The following RPS6KC1 variants were observed in gnomAD, a reference collection of about 807,000 sequenced individuals.
RPS6KC1 encodes the protein inactive ribosomal protein S6 kinase delta-1.
In RPS6KC1, 54 loss-of-function variants were observed where a neutral mutation model predicts 103.8. That is an observed-to-expected ratio of 0.52 (90% CI 0.42 to 0.65). The LOEUF (loss-of-function observed/expected upper bound fraction) is 0.65. Among genes scored for constraint, RPS6KC1 ranks in the 30% least tolerant of loss-of-function variants. The pLI is 0.00. For synonymous variants in RPS6KC1, 439 were observed against 438.7 expected (o/e 1.00, Z -0.01); for missense variants, 1,151 against 1,253.8 (o/e 0.92, Z 1.24).
chr1:213,758,600 T>C, the RPS6KC1 span, among the ~76,000 whole-genome samples: 1 of 151,278 alleles, frequency 6.6e-6, no homozygotes, highest in African/African-American at 2.4e-5. Flanking sequence ...AAAAATGTGA[T>C]TCATGATTCA....
chr1:213,550,039 G>T, the RPS6KC1 span, among the ~76,000 whole-genome samples: 1 of 152,050 alleles, frequency 6.6e-6, no homozygotes, highest in Non-Finnish European at 1.5e-5. Flanking sequence ...GAATGTCATG[G>T]TTACTTTTCC....
At chr1:213,577,958 G>T in the RPS6KC1 span, among the ~76,000 whole-genome samples, 3 of 152,234 alleles carry the variant, frequency 2.0e-5, no homozygotes, top group Non-Finnish European at 2.9e-5. Context: ...CACCAAGACA[G>T]TGGGGAAAAT....
the RPS6KC1 span, among the ~76,000 whole-genome samples, chr1:213,376,173 A>G: frequency 6.6e-6 from 1 of 152,010 alleles, no homozygotes; most frequent in East Asian, 1.9e-4. Flanking sequence ...GAGAAAGTAG[A>G]TACTGGCAGA....
intron 14 of RPS6KC1, among the ~76,000 whole-genome samples, chr1:213,267,942 T>C (rs962161861): frequency 6.6e-6 from 1 of 151,162 alleles, no homozygotes; most frequent in Non-Finnish European, 1.5e-5. Context: ...TGTAAGACAA[T>C]AGCAAATGTA....
the RPS6KC1 span, among the ~76,000 whole-genome samples, chr1:213,411,649 G>A: frequency 2.6e-5 from 4 of 152,180 alleles, no homozygotes; most frequent in Non-Finnish European, 5.9e-5. Flanking sequence ...AAGCCTTCAA[G>A]GTGACATGTC....
the RPS6KC1 span, among the ~76,000 whole-genome samples, chr1:213,602,268 T>A: frequency 7.2e-6 from 1 of 139,186 alleles, no homozygotes; most frequent in Non-Finnish European, 1.5e-5. Context: ...TTTTTCTTTT[T>A]TTTTTTTCCA....
At chr1:213,638,009 G>A in the RPS6KC1 span, among the ~76,000 whole-genome samples, 5 of 151,940 alleles carry the variant, frequency 3.3e-5, no homozygotes, top group African/African-American at 1.2e-4. Flanking sequence ...TGTAGAGATG[G>A]AGTCTTGCTG....
the RPS6KC1 span, among the ~76,000 whole-genome samples, chr1:213,694,015 G>T: frequency 6.6e-6 from 1 of 152,176 alleles, no homozygotes. Flanking sequence ...TAGCTCAGTG[G>T]GGCGATAGCA....
At chr1:213,790,459 A>G in the RPS6KC1 span, among the ~76,000 whole-genome samples, 1 of 152,260 alleles carries the variant, frequency 6.6e-6, no homozygotes, top group East Asian at 1.9e-4. Context: ...AGTCAGAAAA[A>G]ACTATGGTAT....
the RPS6KC1 span, among the ~76,000 whole-genome samples, chr1:213,803,213 C>T: frequency 6.7e-6 from 1 of 150,068 alleles, no homozygotes; most frequent in Non-Finnish European, 1.5e-5. Context: ...AAACTAGGGC[C>T]AGTAGACAGA....
chr1:213,558,470 C>T, the RPS6KC1 span, among the ~76,000 whole-genome samples: 1 of 152,168 alleles, frequency 6.6e-6, no homozygotes, highest in Admixed American at 6.5e-5. Flanking sequence ...TGAATGATCT[C>T]TACATCCCTA....
At chr1:213,733,321 C>T in the RPS6KC1 span, among the ~76,000 whole-genome samples, 1 of 151,270 alleles carries the variant, frequency 6.6e-6, no homozygotes, top group Non-Finnish European at 1.5e-5. Context: ...CTCACTGCAG[C>T]CTTGACCTCC....
At chr1:213,738,341 T>C in the RPS6KC1 span, among the ~76,000 whole-genome samples, 10 of 152,186 alleles carry the variant, frequency 6.6e-5, no homozygotes, top group South Asian at 1.9e-3. Flanking sequence ...TATAAACCCA[T>C]ATCAAAAAGA....
the RPS6KC1 span, among the ~76,000 whole-genome samples, chr1:213,331,093 A>G: frequency 1.3e-5 from 2 of 152,372 alleles, no homozygotes; most frequent in South Asian, 2.1e-4. Context: ...TGCATTGTAC[A>G]TGGTTGGAGG....
At chr1:213,495,912 G>A in the RPS6KC1 span, among the ~76,000 whole-genome samples, 2 of 151,794 alleles carry the variant, frequency 1.3e-5, no homozygotes, top group African/African-American at 4.8e-5. Context: ...TTAAAACTTG[G>A]ATAATATAAC....
chr1:213,190,732 A>G (rs1256693763), intron 8 of RPS6KC1, among the ~76,000 whole-genome samples: 1 of 152,132 alleles, frequency 6.6e-6, no homozygotes, highest in East Asian at 1.9e-4. Flanking sequence ...TGCCCATTCC[A>G]ATGTCCTGGA....
intron 8 of RPS6KC1, among the ~76,000 whole-genome samples, chr1:213,212,295 C>T (rs1054051459): frequency 6.6e-6 from 1 of 151,998 alleles, no homozygotes; most frequent in African/African-American, 2.4e-5. Flanking sequence ...ACAGTTTTGC[C>T]TTTTCCAGAA....
chr1:213,690,651 A>G, the RPS6KC1 span, among the ~76,000 whole-genome samples: 10 of 152,268 alleles, frequency 6.6e-5, no homozygotes, highest in East Asian at 1.9e-3. Context: ...AGCAGATATA[A>G]ATTCTGATTG....
chr1:213,809,168 G>T, the RPS6KC1 span, among the ~76,000 whole-genome samples: 2 of 152,152 alleles, frequency 1.3e-5, no homozygotes, highest in South Asian at 2.1e-4. Flanking sequence ...CCACTGTGGG[G>T]TTATTTATTG....
Sources: allele counts gnomAD v4.1 joint callset (sites outside exome capture counted in the v4.1 genomes callset), GRCh38; gene constraint gnomAD v4.1.1; transcripts MANE v1.5; gene names NCBI Gene and HGNC (gene_info 2026-07-23, HGNC 2026-07-21).